Variants in IL12RB2 observed in about 807,000 individuals in gnomAD.
IL12RB2 encodes interleukin 12 receptor subunit beta 2.
IL12RB2 carries 82 observed loss-of-function variants against 89.4 expected under a neutral mutation model. The observed-to-expected ratio is 0.92, with a 90% CI of 0.77 to 1.10. The LOEUF is 1.10. Ranked by LOEUF, IL12RB2 falls within the 50% of genes least tolerant of loss-of-function variation. IL12RB2 has a pLI of 0.00. For synonymous variants in IL12RB2, 368 were observed against 370.1 expected, an observed-to-expected ratio of 0.99 and a Z score of 0.07; for missense variants, 963 against 1,031.9, an observed-to-expected ratio of 0.93 and a Z score of 0.92.
chr1:67,392,699 C>T (rs1283956581), intron 16 of IL12RB2, among the ~76,000 whole-genome samples: 3 of 134,410 alleles, frequency 2.2e-5, no homozygotes, highest in East Asian at 2.3e-4. Context: ...GGCACTATCT[C>T]GGCTCACCGC....
Position 67,358,450 on chromosome 1 carries a change from C to T in IL12RB2, c.1258+7361C>T, listed in dbSNP as rs188394818. ...AATTAGCTGGGGATGGTGTTGTGGG[C>T]CTGTAATCCCAGCTACTTTGGAGGC... On this transcript the variant is annotated intron_variant, in intron 10 of 16. Transcript: ENST00000674203. 1.2e-3 allele frequency among the ~76,000 whole-genome samples: 190 copies of T among 152,110 alleles called. 1 individual carries two copies. Among genetic ancestry groups the T allele is most frequent in the African/African-American group, 4.2e-3 (176 of 41,496 alleles).
chr1:67,322,038 A>G, intron 4 of IL12RB2, 149 bp downstream of exon 4: 1 of 730,938 alleles, frequency 1.4e-6, no homozygotes, highest in Non-Finnish European at 2.4e-6. Flanking sequence ...TACCGACCTG[A>G]GAGCTTCAAT....
chr1:67,314,077 T>C (rs1655446381), intron 2 of IL12RB2, 77 bp downstream of exon 2: 1 of 152,152 alleles, frequency 6.6e-6, no homozygotes, highest in Admixed American at 6.5e-5. Context: ...ACGACATTCA[T>C]TTATATGACA....
At chr1:67,311,301 G>A (rs1310702247) in intron 1 of IL12RB2, among the ~76,000 whole-genome samples, 2 of 152,106 alleles carry the variant, frequency 1.3e-5, no homozygotes, top group African/African-American at 2.4e-5. Context: ...TAAATGAGAG[G>A]GGTAAGCCTG....
chr1:67,307,796 C>T (rs1472584619), upstream of IL12RB2: 1 of 152,190 alleles, frequency 6.6e-6, no homozygotes, highest in Non-Finnish European at 1.5e-5. Flanking sequence ...CCGCGCCCAC[C>T]CCGGAGTTGG....
intron 10 of IL12RB2, among the ~76,000 whole-genome samples, chr1:67,358,935 A>C (rs1661688277): frequency 6.6e-6 from 1 of 152,144 alleles, no homozygotes; most frequent in Admixed American, 6.5e-5. Flanking sequence ...TGAAGCCAGG[A>C]GTTCGAGACC....
At chr1:67,364,905 G>A (rs1662510357) in intron 10 of IL12RB2, among the ~76,000 whole-genome samples, 1 of 152,110 alleles carries the variant, frequency 6.6e-6, no homozygotes, top group Non-Finnish European at 1.5e-5. Context: ...ACCATATTCT[G>A]GGTCATAAAA....
intron 7 of IL12RB2, 91 bp downstream of exon 7, chr1:67,329,820 T>A: frequency 1.1e-6 from 1 of 891,036 alleles, no homozygotes; most frequent in South Asian, 1.3e-5. Flanking sequence ...AAAAATAGAG[T>A]TTAAGAATAT....
Position 67,350,895 on chromosome 1 carries a change from G to GA in IL12RB2, c.1069dup (p.Ile357AsnfsTer33), listed in dbSNP as rs1239586510. On this transcript the variant is annotated frameshift_variant, in exon 10 of 17. Transcript: ENST00000674203. LOFTEE classifies it high-confidence loss of function. ...AATCTGAGTGTCTCAGAGGCAAGAG[G>GA]AAAAATTCTCCACTATCAGGTGACC... is the stretch of plus-strand genomic sequence containing the variant. The GA allele has an allele frequency of 6.2e-7, 1 of 1,614,030 alleles. No homozygotes were observed. Among genetic ancestry groups the GA allele is most frequent in the South Asian group, 1.1e-5 (1 of 91,070 alleles).
At chr1:67,324,694 T>C (rs1657058869) in intron 4 of IL12RB2, among the ~76,000 whole-genome samples, 1 of 152,166 alleles carries the variant, frequency 6.6e-6, no homozygotes, top group South Asian at 2.1e-4. Context: ...TTAAAACGAC[T>C]CTCAGACCAC....
At chr1:67,363,876 A>G (rs898578316) in intron 10 of IL12RB2, among the ~76,000 whole-genome samples, 5 of 152,266 alleles carry the variant, frequency 3.3e-5, no homozygotes, top group Non-Finnish European at 7.3e-5. Context: ...AAACTGATCA[A>G]TTAAAACCAC....
At chr1:67,388,534 T>A (rs1244732507) in intron 15 of IL12RB2, among the ~76,000 whole-genome samples, 1 of 152,054 alleles carries the variant, frequency 6.6e-6, no homozygotes, top group Non-Finnish European at 1.5e-5. Flanking sequence ...TTGGTAGAGA[T>A]GGGGTTTCAC....
intron 10 of IL12RB2, among the ~76,000 whole-genome samples, chr1:67,358,680 A>G (rs1156827263): frequency 6.6e-6 from 1 of 152,156 alleles, no homozygotes; most frequent in African/African-American, 2.4e-5. Flanking sequence ...AAAGAGAGAG[A>G]GAGAGAAGAT....
chr1:67,319,805 A>T (rs1656256061), intron 2 of IL12RB2, among the ~76,000 whole-genome samples: 1 of 152,116 alleles, frequency 6.6e-6, no homozygotes, highest in South Asian at 2.1e-4. Flanking sequence ...ATATTAGGAG[A>T]TGGGGTCTTT....
chr1:67,378,916 G>C (rs1036524461), intron 13 of IL12RB2, among the ~76,000 whole-genome samples: 2 of 150,372 alleles, frequency 1.3e-5, no homozygotes, highest in Admixed American at 6.7e-5. Flanking sequence ...AACTTACATA[G>C]GCTGGGTGTG....
intron 11 of IL12RB2, among the ~76,000 whole-genome samples, chr1:67,371,724 C>T (rs566151714): frequency 1.3e-5 from 2 of 152,120 alleles, no homozygotes; most frequent in African/African-American, 2.4e-5. Context: ...ATTGAAAGTG[C>T]GGCGCTTTAA....
intron 9 of IL12RB2, among the ~76,000 whole-genome samples, chr1:67,341,632 G>A (rs1232193927): frequency 2.0e-5 from 3 of 152,182 alleles, no homozygotes; most frequent in Non-Finnish European, 4.4e-5. Context: ...AGCACTAGAA[G>A]CTTCTATAAC....
chr1:67,350,276 AT>A (rs1010034754), intron 9 of IL12RB2, among the ~76,000 whole-genome samples: 1 of 152,260 alleles, frequency 6.6e-6, no homozygotes, highest in Non-Finnish European at 1.5e-5. Flanking sequence ...CTCAATTGGA[AT>A]TTTTGCAGTT....
chr1:67,332,652 G>C (rs532245706), intron 8 of IL12RB2, among the ~76,000 whole-genome samples: 1 of 152,132 alleles, frequency 6.6e-6, no homozygotes, highest in East Asian at 1.9e-4. Context: ...ATTATATATA[G>C]TCAAAGTAAT....
Sources: allele counts gnomAD v4.1 joint callset (sites outside exome capture counted in the v4.1 genomes callset), GRCh38; gene constraint gnomAD v4.1.1; transcripts MANE v1.5; gene names NCBI Gene and HGNC (gene_info 2026-07-23, HGNC 2026-07-21).